The following SEC11C variants were observed in gnomAD, a reference collection of about 807,000 sequenced individuals.
SEC11C encodes SEC11 homolog C, signal peptidase complex subunit, also known as signal peptidase complex catalytic subunit SEC11C.
Under a neutral mutation model 21.9 loss-of-function variants are expected in SEC11C, and 10 were observed. The observed-to-expected ratio is 0.46, with a 90% CI of 0.28 to 0.77. SEC11C has a LOEUF of 0.77. Among genes scored for constraint, SEC11C ranks in the 30% least tolerant of loss-of-function variants. The pLI is 0.12. For missense variants in SEC11C, 145 were observed against 244.5 expected (o/e 0.59, Z 2.71); for synonymous variants, 83 against 85.6 (o/e 0.97, Z 0.17).
intron 3 of SEC11C, 107 bp downstream of exon 3, chr18:59,152,792 T>A: frequency 1.0e-6 from 1 of 978,506 alleles, no homozygotes; most frequent in Non-Finnish European, 1.5e-6. Context: ...GTTCTGCCAT[T>A]GACTCACTGG....
In SEC11C at chr18:59,145,321, C is replaced by T. The variant is rs566384538; in HGVS notation, c.88-4192C>T. On this transcript the variant is annotated intron_variant, in intron 1 of 5. Coordinates refer to ENST00000587834, the MANE Select transcript of SEC11C (RefSeq NM_033280.4). ...GAGTAGTTTCAATGAGACTATGTGA[C>T]CCGTAAACATAAAATATTTACTGTC... Among the ~76,000 whole-genome samples the T allele has an allele frequency of 7.4e-4, 112 of 152,290 alleles. 1 individual carries two copies. The highest frequency in any genetic ancestry group is 2.0e-3 in the Admixed American group (31 of 15,304).
intron 1 of SEC11C, among the ~76,000 whole-genome samples, chr18:59,145,546 C>A (rs1045785308): frequency 6.6e-6 from 1 of 152,136 alleles, no homozygotes; most frequent in Non-Finnish European, 1.5e-5. Context: ...ACCAGTGCAG[C>A]TGGGGTGAGG....
intron 2 of SEC11C, 125 bp from the exon 3 acceptor site, chr18:59,152,411 C>T: frequency 1.0e-6 from 1 of 984,126 alleles, no homozygotes. Context: ...AAGAAGGAAG[C>T]CACATTGGCT....
intron 1 of SEC11C, among the ~76,000 whole-genome samples, chr18:59,143,615 A>G (rs2069236718): frequency 1.3e-5 from 2 of 152,148 alleles, no homozygotes; most frequent in African/African-American, 4.8e-5. Flanking sequence ...AGAAAAGTCA[A>G]TGACTCATAA....
intron 4 of SEC11C, 98 bp from the exon 5 acceptor site, chr18:59,157,510 A>G: frequency 1.2e-6 from 1 of 859,674 alleles, no homozygotes; most frequent in Non-Finnish European, 2.0e-6. Flanking sequence ...TCCCTCGTAC[A>G]ATTCATTTCT....
chr18:59,149,624 T>A lies in SEC11C; in HGVS notation c.197+2T>A. On this transcript the variant is annotated splice_donor_variant, in intron 2 of 5. Coordinates refer to ENST00000587834, the MANE Select transcript of SEC11C (RefSeq NM_033280.4). LOFTEE classifies it high-confidence loss of function. ...GAGCCCCATCGTGGTGGTGCTGAGG[T>A]AGGTCCCCCAGGCTGGCCTCCAGCC... The A allele has an allele frequency of 6.3e-7, 1 of 1,599,714 alleles. No homozygotes were observed. The highest frequency in any genetic ancestry group is 8.6e-7 in the Non-Finnish European group (1 of 1,167,612).
chr18:59,140,682 A>T (rs548041850), intron 1 of SEC11C, among the ~76,000 whole-genome samples: 70 of 152,316 alleles, frequency 4.6e-4, no homozygotes, highest in African/African-American at 1.6e-3. Context: ...CTCTGAATAT[A>T]GGAGGCAGTG....
At position 59,139,920 on chromosome 18, in the gene SEC11C, C is replaced by G. The variant is rs1273487633; in HGVS notation, c.-29C>G. The G allele has an allele frequency of 6.7e-7, 1 of 1,489,154 alleles. No individual in the cohort carries two copies. Among genetic ancestry groups the G allele is most frequent in the Non-Finnish European group, 9.0e-7 (1 of 1,112,638 alleles). 92.2% of individuals were successfully genotyped at this position (1,489,154 alleles called of 1,614,324 possible). On this transcript the variant is annotated 5_prime_UTR_variant, in exon 1 of 6. Transcript: ENST00000587834. ...AGCCGTCTGTGCCACCCAGAGCCGG[C>G]GGGCCGCTAGGTCCCCGGAGACCCT...
intron 2 of SEC11C, among the ~76,000 whole-genome samples, chr18:59,150,722 T>C (rs2069340170): frequency 6.6e-6 from 1 of 152,004 alleles, no homozygotes; most frequent in African/African-American, 2.4e-5. Context: ...TAAGATTTCA[T>C]GTGAAGGAAG....
Position 59,149,498 on chromosome 18 carries a change from T to A in SEC11C, c.88-15T>A. The A allele has an allele frequency of 6.4e-7, 1 of 1,559,004 alleles. No homozygotes were observed. The highest frequency in any genetic ancestry group is 8.8e-7 in the Non-Finnish European group (1 of 1,131,820). On this transcript the variant is annotated splice_polypyrimidine_tract_variant and intron_variant, in intron 1 of 5. Transcript: ENST00000587834. The stretch of plus-strand genomic sequence containing the variant: ...GCTATTGGTTTTCATCGTGGTTTCC[T>A]CTTTTTCATTCCAGCTCTATTACCA...
chr18:59,156,843 C>T (rs1385323365), intron 4 of SEC11C: 1 of 152,230 alleles, frequency 6.6e-6, no homozygotes, highest in East Asian at 1.9e-4. Flanking sequence ...TGCATTTTCA[C>T]TTGAACATCT....
At chr18:59,158,085 T>C (rs2069438875) in intron 5 of SEC11C, among the ~76,000 whole-genome samples, 1 of 152,150 alleles carries the variant, frequency 6.6e-6, no homozygotes, top group Admixed American at 6.5e-5. Context: ...GGACGGAATC[T>C]GGCTCTGTTG....
At chr18:59,154,062 C>T (rs2069391618) in intron 3 of SEC11C, among the ~76,000 whole-genome samples, 1 of 152,142 alleles carries the variant, frequency 6.6e-6, no homozygotes, top group South Asian at 2.1e-4. Context: ...ATTCACTTCA[C>T]ATTACTCTAA....
At position 59,144,074 on chromosome 18, in the gene SEC11C, G is replaced by T. The variant is rs1603376522; in HGVS notation, c.87+4039G>T. ...TCACCATGTTGGCCAGGCTGGTCTT[G>T]AACTCCTGAGCTCAGGTTATCCGCC... On this transcript the variant is annotated intron_variant, in intron 1 of 5. Transcript: ENST00000587834. Among the ~76,000 whole-genome samples, 3 of 152,112 alleles carry T rather than the reference G, an allele frequency of 2.0e-5. No individual in the cohort carries two copies. The East Asian group carries it at 5.8e-4, about 29-fold the overall frequency.
intron 1 of SEC11C, among the ~76,000 whole-genome samples, chr18:59,144,654 G>A (rs779128405): frequency 1.4e-5 from 2 of 145,918 alleles, no homozygotes; most frequent in African/African-American, 2.5e-5. Flanking sequence ...GAGCCCAGGA[G>A]TTTGAGGCTG....
intron 4 of SEC11C, chr18:59,156,195 TAAAA>T (rs1286412446): frequency 6.4e-6 from 1 of 157,116 alleles, no homozygotes; most frequent in Non-Finnish European, 1.4e-5. Flanking sequence ...AAATTTGTTC[TAAAA>T]AAAGAAGAAA....
At chr18:59,155,852 T>G in intron 4 of SEC11C, 45 bp downstream of exon 4, 3 of 1,602,516 alleles carry the variant, frequency 1.9e-6, no homozygotes, top group Non-Finnish European at 2.6e-6. Flanking sequence ...TGAAAAACAC[T>G]TAGAAATGAA....
intron 1 of SEC11C, among the ~76,000 whole-genome samples, chr18:59,141,336 T>A (rs1047258314): frequency 2.6e-5 from 4 of 152,244 alleles, no homozygotes. Context: ...AAGTAACTGC[T>A]AATGTCCTGA....
intron 3 of SEC11C, chr18:59,153,470 C>T (rs2069382498): frequency 6.9e-6 from 1 of 145,786 alleles, no homozygotes; most frequent in Non-Finnish European, 1.5e-5. Flanking sequence ...GCATTTCTCA[C>T]TGTGTATGTG....
Sources: gnomAD v4.1 joint callset for allele counts (sites outside exome capture counted in the v4.1 genomes callset) on GRCh38, gnomAD v4.1.1 for gene constraint, MANE v1.5 for transcripts, NCBI Gene and HGNC (gene_info 2026-07-23, HGNC 2026-07-21) for gene names.